RPS6KA6: variants seen among roughly 807,000 people sequenced by gnomAD.
The protein encoded by RPS6KA6 is ribosomal protein S6 kinase alpha-6.
RPS6KA6 carries 27 observed loss-of-function variants against 65.4 expected under a neutral mutation model. The observed-to-expected ratio is 0.41, with a 90% CI of 0.30 to 0.57. The LOEUF (loss-of-function observed/expected upper bound fraction) is 0.57, where lower values mean the gene tolerates loss of function less well. Ranked by LOEUF, RPS6KA6 falls within the 20% of genes least tolerant of loss-of-function variation. The pLI is 0.24. For synonymous variants in RPS6KA6, 190 were observed against 184.2 expected, an observed-to-expected ratio of 1.03 and a Z score of -0.26; for missense variants, 486 against 555.6, an observed-to-expected ratio of 0.87 and a Z score of 1.26.
Position 84,061,072 on chromosome X carries a change from G to C in RPS6KA6, c.*3205C>G, listed in dbSNP as rs1413563904. ...CGTTGATGGAGTATTGCTGTGAGGT[G>C]CTCAAATAAGATAGATAGCATGAAG... On this transcript the variant is annotated 3_prime_UTR_variant, in exon 22 of 22. Transcript: ENST00000262752. 8.9e-6 allele frequency: 1 copy of C among 112,003 alleles called. No homozygotes were observed. The highest frequency in any genetic ancestry group is 3.2e-5 in the African/African-American group (1 of 30,817). The allele number at this position is 112,003 out of a possible 1,213,427, so 9.2% of individuals were successfully genotyped here. A position where few individuals can be genotyped will look rare whatever the true frequency, so the allele number is the denominator to read the frequency against.
intron 12 of RPS6KA6, among the ~76,000 whole-genome samples, chrX:84,113,598 C>T (rs754867287): frequency 1.8e-4 from 20 of 111,537 alleles, no homozygotes; most frequent in African/African-American, 4.6e-4. Flanking sequence ...AAAAAGCATT[C>T]GAGACAATTC....
chrX:84,130,123 C>T (rs1250017657), intron 8 of RPS6KA6, among the ~76,000 whole-genome samples: 5 of 110,686 alleles, frequency 4.5e-5, no homozygotes, highest in South Asian at 7.5e-4. Flanking sequence ...AATATATACA[C>T]GTATGTACCC....
chrX:84,114,682 C>T (rs1227933202), intron 12 of RPS6KA6, among the ~76,000 whole-genome samples: 1 of 111,663 alleles, frequency 9.0e-6, no homozygotes, highest in Non-Finnish European at 1.9e-5. Flanking sequence ...CAAAGCCAGA[C>T]GCATCACATT....
Position 84,059,970 on chromosome X carries a change from T to C in RPS6KA6, c.*4307A>G, listed in dbSNP as rs1044545109. The C allele has an allele frequency of 1.8e-5, 2 of 112,239 alleles. No homozygotes were observed. 9.2% of individuals were successfully genotyped at this position (112,239 alleles called of 1,213,427 possible). ...AAAGAAACTTATGTCTATAATTTAA[T>C]ATATTCAAGTATAGTTCCCTTTTCT... is the stretch of plus-strand genomic sequence containing the variant. On this transcript the variant is annotated 3_prime_UTR_variant, in exon 22 of 22. Transcript: ENST00000262752.
chrX:84,119,743 G>T, intron 9 of RPS6KA6, 142 bp downstream of exon 9: 1 of 359,362 alleles, frequency 2.8e-6, no homozygotes. Flanking sequence ...GTAACAGCTA[G>T]CCAATCACAA....
chrX:84,100,247 C>A (rs2034234012), intron 18 of RPS6KA6, among the ~76,000 whole-genome samples: 1 of 110,798 alleles, frequency 9.0e-6, no homozygotes, highest in African/African-American at 3.3e-5. Flanking sequence ...CACCTGAAAA[C>A]CTTCACTATT....
chrX:84,092,150 T>C (rs1442185562), intron 20 of RPS6KA6, among the ~76,000 whole-genome samples: 1 of 111,185 alleles, frequency 9.0e-6, no homozygotes, highest in Non-Finnish European at 1.9e-5. Context: ...CACGTTTACC[T>C]ATGTAACAAA....
chrX:84,169,578 A>G (rs1012027534), intron 1 of RPS6KA6, among the ~76,000 whole-genome samples: 6 of 112,061 alleles, frequency 5.4e-5, no homozygotes, highest in Non-Finnish European at 1.1e-4. Flanking sequence ...GGAAGTTAAC[A>G]GAGCTTGTAG....
At chrX:84,082,970 G>A (rs752700048) in intron 20 of RPS6KA6, among the ~76,000 whole-genome samples, 13 of 112,115 alleles carry the variant, frequency 1.2e-4, no homozygotes, top group South Asian at 3.7e-4. Flanking sequence ...AGACTTAAAC[G>A]TAAAACCTAA....
chrX:84,188,394 C>T (rs1038009178), upstream of RPS6KA6, among the ~76,000 whole-genome samples: 1 of 96,464 alleles, frequency 1.0e-5, no homozygotes, highest in Non-Finnish European at 2.1e-5. Flanking sequence ...TGCGGGGGAC[C>T]GCGTGGTGGG....
chrX:84,095,555 T>C (rs1438770534), intron 20 of RPS6KA6, among the ~76,000 whole-genome samples: 1 of 111,363 alleles, frequency 9.0e-6, no homozygotes, highest in Admixed American at 9.6e-5. Context: ...ATAAAATATA[T>C]AGTACATTTT....
chrX:84,121,894 C>T (rs1479282456), intron 8 of RPS6KA6, among the ~76,000 whole-genome samples: 1 of 111,826 alleles, frequency 8.9e-6, no homozygotes, highest in East Asian at 2.8e-4. Flanking sequence ...TAATGACAAA[C>T]TGGACATCAT....
Position 84,147,055 on chromosome X carries a change from C to T in RPS6KA6, c.344G>A (p.Arg115Gln), listed in dbSNP as rs2035211712. 8.8e-7 allele frequency: 1 copy of T among 1,136,821 alleles called. No individual in the cohort carries two copies. The allele number at this position is 1,136,821 out of a possible 1,213,427, so 93.7% of individuals were successfully genotyped here. Residue 115 changes from arginine to glutamine, a missense_variant, in exon 5 of 22, where the codon CGA (arginine) becomes CAA (glutamine). By Grantham distance (43) the Arg-to-Gln change is conservative. Around this residue, in one of 3 missense-constraint regions of RPS6KA6, gnomAD observed 106 missense variants for 105.0 expected, o/e 1.01. Transcript: ENST00000262752. ...CTCCATCTTTGTCCGAACTCTGTCT[C>T]GAACTAAAAATTACATAAAGGTACA... ...KVLKKASLKV[R>Q]DRVRTKMERD...
In RPS6KA6 at chrX:84,060,438, CTCTG is replaced by C. The variant is rs1422931665; in HGVS notation, c.*3835_*3838del. 1.1e-5 allele frequency: 1 copy of C among 89,009 alleles called. No individual in the cohort carries two copies. Among genetic ancestry groups the C allele is most frequent in the African/African-American group, 4.5e-5 (1 of 22,466 alleles). The allele number at this position is 89,009 out of a possible 1,213,427, so 7.3% of individuals were successfully genotyped here. On this transcript the variant is annotated 3_prime_UTR_variant, in exon 22 of 22. Coordinates refer to ENST00000262752, the MANE Select transcript of RPS6KA6 (RefSeq NM_014496.5). ...TCCATGAGTAGTTTGGATTCAATCTCTCTGTGCTTTTTTTTTTCTTTATAACAGG... is the reference window on the plus strand; with the variant it reads ...TCCATGAGTAGTTTGGATTCAATCTCTGCTTTTTTTTTTCTTTATAACAGG...
intron 20 of RPS6KA6, among the ~76,000 whole-genome samples, chrX:84,084,850 G>A (rs141458880): frequency 1.2e-3 from 138 of 111,887 alleles, no homozygotes; most frequent in African/African-American, 4.3e-3. Context: ...AGCATGGGAC[G>A]TTTTTCCATT....
At chrX:84,082,484 A>T (rs2147361889) in intron 20 of RPS6KA6, among the ~76,000 whole-genome samples, 1 of 112,275 alleles carries the variant, frequency 8.9e-6, no homozygotes, top group Non-Finnish European at 1.9e-5. Flanking sequence ...ATGCTCATGG[A>T]TAGGAAGAAT....
In RPS6KA6 at chrX:84,101,567, C is replaced by T. The variant is rs764002081; in HGVS notation, c.1776+470G>A. On this transcript the variant is annotated intron_variant, in intron 18 of 21. Coordinates refer to ENST00000262752, the MANE Select transcript of RPS6KA6 (RefSeq NM_014496.5). ...ATCCTAAAGACAATCGAGGATAGCA[C>T]TGCCCTTATATGTTATTTATAATGC... Among the ~76,000 whole-genome samples, 40 of 111,130 alleles carry T rather than the reference C, an allele frequency of 3.6e-4. 1 individual carries two copies. Among genetic ancestry groups the T allele is most frequent in the Admixed American group, 3.4e-3 (35 of 10,362 alleles).
chrX:84,173,832 T>C (rs1457470707), intron 1 of RPS6KA6, among the ~76,000 whole-genome samples: 2 of 111,345 alleles, frequency 1.8e-5, no homozygotes, highest in Non-Finnish European at 3.8e-5. Flanking sequence ...AGCCCTAGTG[T>C]AGTTTTGATA....
chrX:84,166,790 G>T (rs1157975526), intron 1 of RPS6KA6, among the ~76,000 whole-genome samples: 2 of 111,230 alleles, frequency 1.8e-5, no homozygotes, highest in South Asian at 3.7e-4. Context: ...CATAACTAAA[G>T]GGTACAATGT....
Sources: gnomAD v4.1 joint callset for allele counts (sites outside exome capture counted in the v4.1 genomes callset) on GRCh38, gnomAD v4.1.1 for gene constraint, gnomAD v4.1.1 regional missense constraint, MANE v1.5 for transcripts, NCBI Gene and HGNC (gene_info 2026-07-23, HGNC 2026-07-21) for gene names.